The following PHF12 variants were observed in gnomAD, a reference collection of about 807,000 sequenced individuals.
The protein encoded by PHF12 is PHD finger protein 12.
In PHF12, 6 loss-of-function variants were observed where a neutral mutation model predicts 99.8. The observed-to-expected ratio is 0.06, with a 90% CI of 0.03 to 0.12. The LOEUF (loss-of-function observed/expected upper bound fraction) is 0.12. Ranked by LOEUF, PHF12 falls within the 10% of genes least tolerant of loss-of-function variation. The probability of loss-of-function intolerance (pLI) is 1.00; values close to 1 mark genes in which losing one functional copy is unlikely to be tolerated. For synonymous variants in PHF12, 480 were observed against 514.9 expected (o/e 0.93, Z 0.92); for missense variants, 954 against 1,300.1 (o/e 0.73, Z 4.09).
intron 2 of PHF12, among the ~76,000 whole-genome samples, chr17:28,942,703 C>A (rs139935383): frequency 1.1e-3 from 169 of 151,628 alleles, no homozygotes; most frequent in South Asian, 2.3e-3. Context: ...GTAATCCCAG[C>A]TACTTGGGAG....
At chr17:28,908,968 C>T (rs1022255614) in intron 11 of PHF12, 87 bp from the exon 12 acceptor site, 2 of 1,261,420 alleles carry the variant, frequency 1.6e-6, no homozygotes, top group Non-Finnish European at 2.3e-6. Context: ...ACCTTTGGCT[C>T]ATGGCCTGGA....
At position 28,951,439 on chromosome 17, in the gene PHF12, G is replaced by C; in HGVS notation, c.-479C>G. 1 of 986,868 alleles carries C rather than the reference G, an allele frequency of 1.0e-6. No individual in the cohort carries two copies. The highest frequency in any genetic ancestry group is 1.2e-6 in the Non-Finnish European group (1 of 830,920). 61.1% of individuals were successfully genotyped at this position (986,868 alleles called of 1,614,324 possible). A position where few individuals can be genotyped will look rare whatever the true frequency, so the allele number is the denominator to read the frequency against. ...TCGCCGCCGCCGCCGTCTGCGTCCC[G>C]GCTGCCGCGCACTTGGCGCAAACTT... On this transcript the variant is annotated 5_prime_UTR_variant, in exon 1 of 15. Coordinates refer to ENST00000332830, the MANE Select transcript of PHF12 (RefSeq NM_001033561.2).
intron 13 of PHF12, 59 bp from the exon 14 acceptor site, chr17:28,907,053 G>C (rs1311927041): frequency 6.5e-7 from 1 of 1,533,902 alleles, no homozygotes. Context: ...TGGGGCTAAG[G>C]GGAGAGAGGA....
At chr17:28,926,541 T>C in intron 3 of PHF12, 1 of 328,676 alleles carries the variant, frequency 3.0e-6, no homozygotes. Context: ...GAAGGGAAGC[T>C]AAAGAAAGAT....
At position 28,950,622 on chromosome 17, in the gene PHF12, G is replaced by A. The variant is rs534027723; in HGVS notation, c.66+273C>T. The A allele has an allele frequency of 3.7e-6, 2 of 538,534 alleles. No homozygotes were observed. The highest frequency in any genetic ancestry group is 6.4e-5 in the East Asian group (2 of 31,210). The allele number at this position is 538,534 out of a possible 1,614,324, so 33.4% of individuals were successfully genotyped here. On this transcript the variant is annotated intron_variant, in intron 1 of 14. Coordinates refer to ENST00000332830, the MANE Select transcript of PHF12 (RefSeq NM_001033561.2). This position sits in a 1 kb window ranked among gnomAD's most constrained non-coding sequence, Gnocchi z 5.7. ...GAAGCACAAAGGGGCCAACAAGAAG[G>A]GGGTGGGGAGGCCTGCCGGTGCAAC...
intron 2 of PHF12, among the ~76,000 whole-genome samples, chr17:28,946,009 G>A (rs372619254): frequency 5.0e-4 from 76 of 152,260 alleles, no homozygotes; most frequent in African/African-American, 1.7e-3. Context: ...GGTGGCGTGC[G>A]CCTGTAATCC....
chr17:28,931,038 G>GCAA (rs768436178), intron 2 of PHF12, among the ~76,000 whole-genome samples: 21 of 152,138 alleles, frequency 1.4e-4, no homozygotes, highest in Non-Finnish European at 2.2e-4. Flanking sequence ...TCCAGTTTGG[G>GCAA]CAACAGAGTG....
Position 28,917,421 on chromosome 17 carries a change from T to G in PHF12, c.998A>C (p.Asn333Thr). The change falls in exon 7 of 15, where the codon AAT becomes ACT. Residue 333 changes from asparagine (N) to threonine (T), a missense_variant. Around this residue, in one of 8 missense-constraint regions of PHF12, gnomAD observed 85 missense variants for 196.6 expected, o/e 0.43. Transcript: ENST00000332830. ...GAAACGATCAAACACCTGGCACCGA[T>G]TGCTCAGTGTCATATTCTTCTGGTT... is the stretch of plus-strand genomic sequence containing the variant. ...VLNQKNMTLS[N>T]RCQVFDRFQD... 1 of 1,612,870 alleles carries G rather than the reference T, an allele frequency of 6.2e-7. No homozygotes were observed. The highest frequency in any genetic ancestry group is 1.1e-5 in the South Asian group (1 of 90,904).
intron 2 of PHF12, among the ~76,000 whole-genome samples, chr17:28,939,835 A>G (rs2040581180): frequency 6.6e-6 from 1 of 152,222 alleles, no homozygotes; most frequent in Non-Finnish European, 1.5e-5. Flanking sequence ...AGGTTCCCCT[A>G]TCCCTGCCTG....
intron 2 of PHF12, among the ~76,000 whole-genome samples, chr17:28,936,799 C>T (rs2040518423): frequency 6.6e-6 from 1 of 152,164 alleles, no homozygotes; most frequent in South Asian, 2.1e-4. Flanking sequence ...GGGGCTCATC[C>T]ATCCATCTGA....
intron 3 of PHF12, 150 bp downstream of exon 3, chr17:28,926,841 A>G: frequency 6.5e-7 from 1 of 1,543,480 alleles, no homozygotes; most frequent in African/African-American, 1.4e-5. Context: ...GATTCCAAAC[A>G]GTCACCATGG....
chr17:28,921,836 T>C (rs752552980), intron 4 of PHF12, 28 bp from the exon 5 acceptor site: 15 of 1,611,214 alleles, frequency 9.3e-6, no homozygotes, highest in Middle Eastern at 1.7e-4. Flanking sequence ...GGTGCTGAGC[T>C]ATCCCTGGCT....
In PHF12 at chr17:28,949,294, G is replaced by A. The variant is rs1397369359; in HGVS notation, c.248+771C>T. ...CCGGCCCGATTTCCTAAGAGGCAGC[G>A]GCGCCGGGAGGGAGGAGGGAAGAGG... On this transcript the variant is annotated intron_variant, in intron 2 of 14. Coordinates refer to ENST00000332830, the MANE Select transcript of PHF12 (RefSeq NM_001033561.2). This position sits in a 1 kb window ranked among gnomAD's most constrained non-coding sequence, Gnocchi z 4.6. 1.3e-5 allele frequency among the ~76,000 whole-genome samples: 2 copies of A among 152,120 alleles called. No homozygotes were observed. Among genetic ancestry groups the A allele is most frequent in the Non-Finnish European group, 2.9e-5 (2 of 68,026 alleles).
intron 2 of PHF12, among the ~76,000 whole-genome samples, chr17:28,931,738 T>C (rs886262167): frequency 6.7e-6 from 1 of 149,190 alleles, no homozygotes; most frequent in African/African-American, 2.5e-5. Flanking sequence ...CCTGCCCCCA[T>C]GTCCAGCTAA....
chr17:28,941,848 C>G (rs1412511415), intron 2 of PHF12, among the ~76,000 whole-genome samples: 1 of 152,152 alleles, frequency 6.6e-6, no homozygotes. Flanking sequence ...CTCAAGTGAT[C>G]CACCTGCCTC....
chr17:28,947,914 G>A (rs183005067), intron 2 of PHF12, among the ~76,000 whole-genome samples: 1 of 151,846 alleles, frequency 6.6e-6, no homozygotes, highest in Non-Finnish European at 1.5e-5. Context: ...TCAATGAAAT[G>A]CACAGTCTGG....
At chr17:28,939,231 CAGCAAAACAAAAATGACAA>C (rs2040569295) in intron 2 of PHF12, among the ~76,000 whole-genome samples, 1 of 152,150 alleles carries the variant, frequency 6.6e-6, no homozygotes, top group South Asian at 2.1e-4. Context: ...AGGAGGGATA[CAGCAAAACAAAAATGACAA>C]AGCAAAACAA....
intron 2 of PHF12, among the ~76,000 whole-genome samples, chr17:28,933,900 A>C (rs777389096): frequency 3.2e-4 from 48 of 152,098 alleles, no homozygotes; most frequent in Non-Finnish European, 5.1e-4. Flanking sequence ...TACAAAAATG[A>C]GCTAGATGTG....
intron 9 of PHF12, chr17:28,911,509 T>G: frequency 2.5e-6 from 1 of 406,512 alleles, no homozygotes; most frequent in Non-Finnish European, 4.4e-6. Flanking sequence ...AGCTTCATTC[T>G]TTGGGCCATG....
Sources: gnomAD v4.1 joint callset for allele counts (sites outside exome capture counted in the v4.1 genomes callset) on GRCh38, gnomAD v4.1.1 for gene constraint, gnomAD v4.1.1 regional missense constraint, Gnocchi (gnomAD v3.1) non-coding constraint, MANE v1.5 for transcripts, NCBI Gene and HGNC (gene_info 2026-07-23, HGNC 2026-07-21) for gene names.